The following ZEB2 variants were observed in gnomAD, a reference collection of about 807,000 sequenced individuals.
ZEB2 encodes the protein zinc finger E-box binding homeobox 2, also known as zinc finger E-box-binding homeobox 2.
Under a neutral mutation model 99.9 loss-of-function variants are expected in ZEB2, and 6 were observed. The ratio of observed to expected loss-of-function variants is 0.06; its 90% CI spans 0.03 to 0.12. The LOEUF (loss-of-function observed/expected upper bound fraction) is 0.12, where lower values mean the gene tolerates loss of function less well. Among genes scored for constraint, ZEB2 ranks in the 10% least tolerant of loss-of-function variants. The pLI is 1.00. For missense variants in ZEB2, 969 were observed against 1,502.8 expected (o/e 0.64, Z 5.87); for synonymous variants, 517 against 542.5 (o/e 0.95, Z 0.65).
intron 4 of ZEB2, among the ~76,000 whole-genome samples, chr2:144,407,570 A>G (rs1703405431): frequency 1.3e-5 from 2 of 152,212 alleles, no homozygotes; most frequent in Admixed American, 6.5e-5. Context: ...TCAAAAAATC[A>G]CCTTTTACTT....
chr2:144,508,583 C>T (rs1055998788), intron 2 of ZEB2, among the ~76,000 whole-genome samples: 5 of 151,870 alleles, frequency 3.3e-5, no homozygotes, highest in Non-Finnish European at 7.4e-5. Flanking sequence ...TTGTGCCCAG[C>T]AAAAAATAAC....
At chr2:144,476,181 T>G (rs1704427905) in intron 2 of ZEB2, among the ~76,000 whole-genome samples, 1 of 152,182 alleles carries the variant, frequency 6.6e-6, no homozygotes, top group Admixed American at 6.6e-5. Context: ...TTAACCTGCC[T>G]AATTTTGTAG....
chr2:144,436,510 T>G (rs1177719784), intron 2 of ZEB2, among the ~76,000 whole-genome samples: 1 of 152,160 alleles, frequency 6.6e-6, no homozygotes, highest in South Asian at 2.1e-4. Flanking sequence ...ATGGTTGCAG[T>G]GGAGAGAGGC....
chr2:144,418,034 T>A (rs1177405031), intron 4 of ZEB2, among the ~76,000 whole-genome samples: 1 of 152,174 alleles, frequency 6.6e-6, no homozygotes, highest in African/African-American at 2.4e-5. Flanking sequence ...AAAGGAAAAG[T>A]CTGACAGCTT....
At chr2:144,496,435 T>G (rs1312965497) in intron 2 of ZEB2, 2 of 152,184 alleles carry the variant, frequency 1.3e-5, no homozygotes, top group African/African-American at 4.8e-5. Context: ...CAAACTGACA[T>G]AGTAATGAAA....
chr2:144,490,645 A>C (rs1271590765), intron 2 of ZEB2, among the ~76,000 whole-genome samples: 1 of 152,208 alleles, frequency 6.6e-6, no homozygotes, highest in Non-Finnish European at 1.5e-5. Flanking sequence ...CCCTGCCTAA[A>C]AAGAGCCTCG....
chr2:144,429,944 A>G lies in ZEB2; in HGVS notation c.156T>C (p.Ile52=), dbSNP rs1207567194. 8.7e-6 allele frequency: 14 copies of G among 1,613,854 alleles called. No homozygotes were observed. Among genetic ancestry groups the G allele is most frequent in the Non-Finnish European group, 1.2e-5 (14 of 1,179,892 alleles). ...DKLHIAEDDG[I]ANPLDQETSP... ...TCGTCTCCTGGTCCAGAGGGTTGGC[A>G]ATACCGTCATCCTCAGCAATATGAA... The change falls in exon 3 of 10, where the codon ATT becomes ATC. Residue 52 remains isoleucine (I), a synonymous_variant. Coordinates refer to ENST00000627532, the MANE Select transcript of ZEB2 (RefSeq NM_014795.4).
intron 2 of ZEB2, chr2:144,497,755 C>T (rs1166401536): frequency 6.2e-6 from 1 of 161,494 alleles, no homozygotes; most frequent in African/African-American, 2.6e-5. Context: ...TTCTGACAAT[C>T]TTGATGACCC....
rs778895785 is a variant in ZEB2, at chr2:144,429,918, C to G, written c.182G>C (p.Ser61Thr). Residue 61 changes from serine (S) to threonine (T), a missense_variant, in exon 3 of 10, where the codon AGT becomes ACT. Physicochemically the swap from Ser to Thr is moderately conservative, Grantham distance 58. Transcript: ENST00000627532. ...CTCATGGTTGGGCACACTAGCTGGA[C>G]TCGTCTCCTGGTCCAGAGGGTTGGC... The part of the protein sequence containing the change: ...GIANPLDQET[S>T]PASVPNHESS... The G allele has an allele frequency of 1.9e-6, 3 of 1,613,856 alleles. No homozygotes were observed. The highest frequency in any genetic ancestry group is 2.5e-6 in the Non-Finnish European group (3 of 1,179,900).
intron 2 of ZEB2, among the ~76,000 whole-genome samples, chr2:144,444,597 C>G (rs1703959695): frequency 6.6e-6 from 1 of 152,224 alleles, no homozygotes; most frequent in Non-Finnish European, 1.5e-5. Context: ...ACAGGCCTAT[C>G]TGCACTTTCA....
At chr2:144,405,844 T>G (rs567977874) in intron 4 of ZEB2, among the ~76,000 whole-genome samples, 2 of 152,356 alleles carry the variant, frequency 1.3e-5, no homozygotes, top group Admixed American at 1.3e-4. Context: ...TTTTAGCAAC[T>G]TGTGTCATAA....
intron 2 of ZEB2, chr2:144,504,717 C>T (rs1704928896): frequency 6.6e-6 from 1 of 152,206 alleles, no homozygotes; most frequent in Admixed American, 6.5e-5. Flanking sequence ...TCACTGTTTA[C>T]CATCCCTCAG....
At chr2:144,512,160 T>A (rs1047062065) in intron 2 of ZEB2, 1 of 1,287,122 alleles carries the variant, frequency 7.8e-7, no homozygotes, top group Non-Finnish European at 1.0e-6. Context: ...GACAATCAAT[T>A]GTCTGTGAGC....
chr2:144,439,193 C>T (rs1703876450), intron 2 of ZEB2, among the ~76,000 whole-genome samples: 1 of 151,688 alleles, frequency 6.6e-6, no homozygotes, highest in African/African-American at 2.4e-5. Flanking sequence ...ACCACCTTTC[C>T]TCACCCCTGT....
chr2:144,390,121 G>T, intron 9 of ZEB2, 93 bp from the exon 10 acceptor site: 1 of 1,315,472 alleles, frequency 7.6e-7, no homozygotes, highest in South Asian at 1.2e-5. Flanking sequence ...TCAGGCATAA[G>T]CGTGTGTACT....
intron 7 of ZEB2, 84 bp downstream of exon 7, chr2:144,401,115 G>A: frequency 1.6e-6 from 2 of 1,231,544 alleles, no homozygotes; most frequent in Non-Finnish European, 2.4e-6. Context: ...CTACAAATAG[G>A]ACTGTGTAAA....
intron 4 of ZEB2, chr2:144,424,449 G>A (rs1231774171): frequency 1.9e-6 from 1 of 535,158 alleles, no homozygotes; most frequent in Non-Finnish European, 3.7e-6. Flanking sequence ...GTGGTGGCTA[G>A]CAGAGGTATA....
At chr2:144,396,314 A>G (rs1703228662) in intron 9 of ZEB2, 98 bp downstream of exon 9, 3 of 1,454,640 alleles carry the variant, frequency 2.1e-6, no homozygotes, top group Admixed American at 3.3e-5. Flanking sequence ...AGGTATCAGC[A>G]TATGTTACAT....
chr2:144,462,619 A>G (rs1196913889), intron 2 of ZEB2: 7 of 152,146 alleles, frequency 4.6e-5, no homozygotes, highest in African/African-American at 1.7e-4. Flanking sequence ...CCATCTAAAC[A>G]TTTTTCAGAA....
Sources: allele counts gnomAD v4.1 joint callset (sites outside exome capture counted in the v4.1 genomes callset), GRCh38; gene constraint gnomAD v4.1.1; transcripts MANE v1.5; gene names NCBI Gene and HGNC (gene_info 2026-07-23, HGNC 2026-07-21).